Variants in TLK1 observed in about 807,000 individuals in gnomAD.
TLK1 encodes tousled like kinase 1, also known as serine/threonine-protein kinase tousled-like 1.
TLK1 carries 24 observed loss-of-function variants against 105.3 expected under a neutral mutation model. The ratio of observed to expected loss-of-function variants is 0.23; its 90% CI spans 0.17 to 0.32. The LOEUF (loss-of-function observed/expected upper bound fraction) is 0.32. TLK1 is among the 10% of genes least tolerant of loss of function. The pLI is 1.00. For synonymous variants in TLK1, 321 were observed against 310.4 expected (o/e 1.03, Z -0.36); for missense variants, 558 against 910.5 (o/e 0.61, Z 4.98).
intron 1 of TLK1, among the ~76,000 whole-genome samples, chr2:171,222,174 C>T (rs964685618): frequency 1.3e-5 from 2 of 152,180 alleles, no homozygotes; most frequent in Admixed American, 6.5e-5. Flanking sequence ...CTGTAGACTC[C>T]CTTATCCTGG....
intron 3 of TLK1, among the ~76,000 whole-genome samples, chr2:171,063,202 C>T (rs1318569263): frequency 2.6e-5 from 4 of 151,816 alleles, no homozygotes; most frequent in South Asian, 2.1e-4. Flanking sequence ...AAAAATTAGC[C>T]GGGCATGGTG....
intron 1 of TLK1, among the ~76,000 whole-genome samples, chr2:171,188,873 TAA>T (rs35406910): frequency 6.3e-4 from 79 of 125,448 alleles, no homozygotes; most frequent in African/African-American, 1.6e-3. Flanking sequence ...AGATTCTGTC[TAA>T]AAAAAAAAAA....
intron 1 of TLK1, among the ~76,000 whole-genome samples, chr2:171,148,534 T>G (rs973109689): frequency 6.6e-6 from 1 of 152,108 alleles, no homozygotes; most frequent in Non-Finnish European, 1.5e-5. Context: ...TAGGCAATGT[T>G]CCGTCATTTG....
intron 11 of TLK1, among the ~76,000 whole-genome samples, chr2:171,037,755 T>A (rs1373534337): frequency 6.6e-6 from 1 of 152,222 alleles, no homozygotes; most frequent in South Asian, 2.1e-4. Flanking sequence ...TATGTTGTGT[T>A]TGTGTTACTA....
Position 170,992,261 on chromosome 2 carries a change from A to G in TLK1, c.*1519T>C, listed in dbSNP as rs1408267710. ...AGACAATGTGTCTATGTACAATGAA[A>G]AAACAAAATGGCTTGCAACATCAGA... is the stretch of plus-strand genomic sequence containing the variant. On this transcript the variant is annotated 3_prime_UTR_variant, in exon 21 of 21. Coordinates refer to ENST00000431350, the MANE Select transcript of TLK1 (RefSeq NM_012290.5). 1.3e-5 allele frequency: 2 copies of G among 152,218 alleles called. No homozygotes were observed. Among genetic ancestry groups the G allele is most frequent in the Admixed American group, 1.3e-4 (2 of 15,274 alleles). 9.4% of individuals were successfully genotyped at this position (152,218 alleles called of 1,614,324 possible).
At chr2:171,092,021 T>C (rs1237911559) in intron 2 of TLK1, among the ~76,000 whole-genome samples, 6 of 149,934 alleles carry the variant, frequency 4.0e-5, no homozygotes, top group Admixed American at 1.3e-4. Flanking sequence ...CATGAGCCAC[T>C]GCGCCCGGCC....
At chr2:171,123,699 T>C (rs1690751550) in intron 1 of TLK1, among the ~76,000 whole-genome samples, 1 of 152,174 alleles carries the variant, frequency 6.6e-6, no homozygotes, top group African/African-American at 2.4e-5. Flanking sequence ...TGGTCGCAGC[T>C]ACTCAGGAGG....
intron 4 of TLK1, among the ~76,000 whole-genome samples, chr2:171,059,483 T>C (rs1687644486): frequency 6.6e-6 from 1 of 152,228 alleles, no homozygotes; most frequent in African/African-American, 2.4e-5. Flanking sequence ...ACAGGCTGTA[T>C]GTTTAAGAAC....
At chr2:171,084,698 A>T (rs1218304486) in intron 2 of TLK1, among the ~76,000 whole-genome samples, 1 of 152,210 alleles carries the variant, frequency 6.6e-6, no homozygotes, top group Non-Finnish European at 1.5e-5. Flanking sequence ...TACCAGGAAC[A>T]CACATCCACA....
At chr2:171,061,214 C>T (rs1687733116) in intron 3 of TLK1, 58 bp from the exon 4 acceptor site, 1 of 1,562,754 alleles carries the variant, frequency 6.4e-7, no homozygotes, top group Non-Finnish European at 8.8e-7. Context: ...AAAATTATCA[C>T]AGTCAACATA....
intron 1 of TLK1, among the ~76,000 whole-genome samples, chr2:171,230,157 C>T (rs1405323709): frequency 2.0e-5 from 3 of 152,210 alleles, no homozygotes; most frequent in African/African-American, 7.2e-5. Context: ...TTAAATGACA[C>T]TTCATTGCTT....
intron 2 of TLK1, among the ~76,000 whole-genome samples, chr2:171,090,520 A>G (rs1689183049): frequency 6.6e-6 from 1 of 152,230 alleles, no homozygotes; most frequent in African/African-American, 2.4e-5. Context: ...TTCTAAATGT[A>G]GTGAGGAAGA....
upstream of TLK1, among the ~76,000 whole-genome samples, chr2:171,164,698 A>G (rs1692575146): frequency 6.6e-6 from 1 of 152,230 alleles, no homozygotes; most frequent in Non-Finnish European, 1.5e-5. Context: ...CTCTGGACAT[A>G]AGTTGTGCAA....
chr2:171,128,779 T>C (rs1182524844), intron 1 of TLK1, among the ~76,000 whole-genome samples: 5 of 152,136 alleles, frequency 3.3e-5, no homozygotes, highest in African/African-American at 7.2e-5. Flanking sequence ...TACATACAAA[T>C]GTATATACAC....
At chr2:171,156,809 A>G (rs1429342863) in intron 1 of TLK1, among the ~76,000 whole-genome samples, 2 of 152,190 alleles carry the variant, frequency 1.3e-5, no homozygotes, top group East Asian at 3.8e-4. Context: ...AAACAGAGGA[A>G]GTTTACAGTT....
intron 1 of TLK1, among the ~76,000 whole-genome samples, chr2:171,222,782 T>C (rs905017017): frequency 1.3e-5 from 2 of 151,916 alleles, no homozygotes; most frequent in Non-Finnish European, 2.9e-5. Context: ...TTTTGAGATA[T>C]ACAATATAAA....
rs769859271 is a variant in TLK1 at position 171,050,221 on chromosome 2, A to G, written c.733-47T>C. On this transcript the variant is annotated intron_variant, in intron 8 of 20. Transcript: ENST00000431350. Reference sequence around the variant, plus strand: ...CAAGAGGTCTAGACTGGGGAATATGAAAAGCTTAGAAATAGTTTTAATGTT... The same window carrying G: ...CAAGAGGTCTAGACTGGGGAATATGGAAAGCTTAGAAATAGTTTTAATGTT... 1.3e-5 allele frequency: 17 copies of G among 1,304,822 alleles called. 1 individual carries two copies. In the South Asian group the frequency reaches 2.2e-4, roughly 17 times the overall value. 80.8% of individuals were successfully genotyped at this position (1,304,822 alleles called of 1,614,324 possible).
At chr2:171,038,046 A>G (rs1043298582) in intron 11 of TLK1, among the ~76,000 whole-genome samples, 1 of 152,222 alleles carries the variant, frequency 6.6e-6, no homozygotes, top group African/African-American at 2.4e-5. Flanking sequence ...TTACAGAACT[A>G]TGTGGATTTT....
chr2:171,116,400 C>A (rs1382803756), intron 2 of TLK1, among the ~76,000 whole-genome samples: 1 of 152,102 alleles, frequency 6.6e-6, no homozygotes, highest in South Asian at 2.1e-4. Flanking sequence ...AACAAGCATA[C>A]AAAGAAATGC....
Sources: gnomAD v4.1 joint callset for allele counts (sites outside exome capture counted in the v4.1 genomes callset) on GRCh38, gnomAD v4.1.1 for gene constraint, MANE v1.5 for transcripts, NCBI Gene and HGNC (gene_info 2026-07-23, HGNC 2026-07-21) for gene names.